The following PLGRKT variants were observed in gnomAD, a reference collection of about 807,000 sequenced individuals.
PLGRKT encodes plasminogen receptor (KT).
Under a neutral mutation model 18.5 loss-of-function variants are expected in PLGRKT, and 22 were observed. The ratio of observed to expected loss-of-function variants is 1.19; its 90% CI spans 0.85 to 1.70. PLGRKT has a LOEUF of 1.70. Among genes scored for constraint, PLGRKT ranks in the 40% most tolerant of loss-of-function variants. PLGRKT has a pLI of 0.00. For missense variants in PLGRKT, 235 were observed against 174.4 expected, an observed-to-expected ratio of 1.35 and a Z score of -1.96; for synonymous variants, 72 against 52.8, an observed-to-expected ratio of 1.36 and a Z score of -1.58.
chr9:5,364,107 A>G (rs567429251), intron 3 of PLGRKT, among the ~76,000 whole-genome samples: 2 of 152,316 alleles, frequency 1.3e-5, no homozygotes, highest in East Asian at 3.9e-4. Context: ...GCTGCACATC[A>G]TGAGCATCTG....
chr9:5,367,330 C>T (rs995148200), intron 3 of PLGRKT, among the ~76,000 whole-genome samples: 1 of 152,102 alleles, frequency 6.6e-6, no homozygotes, highest in African/African-American at 2.4e-5. Context: ...CATCACACTA[C>T]CTGACTTTAC....
intron 3 of PLGRKT, among the ~76,000 whole-genome samples, chr9:5,371,985 C>CATTTTTTTTTTTTT (rs1817527073): frequency 2.3e-5 from 1 of 44,218 alleles, no homozygotes; most frequent in African/African-American, 2.0e-4. Flanking sequence ...ATCAGAAAAT[C>CATTTTTTTTTTTTT]CTTTTTTTTT....
chr9:5,372,393 G>T (rs1586705623), intron 3 of PLGRKT, among the ~76,000 whole-genome samples: 1 of 152,106 alleles, frequency 6.6e-6, no homozygotes, highest in African/African-American at 2.4e-5. Flanking sequence ...ACCCTATGAG[G>T]TTAGTCTATG....
At position 5,381,850 on chromosome 9, in the gene PLGRKT, TTAAC is replaced by T. The variant is rs1408098302; in HGVS notation, c.82-19966_82-19963del. On this transcript the variant is annotated intron_variant, in intron 3 of 5. Coordinates refer to ENST00000223864, the MANE Select transcript of PLGRKT (RefSeq NM_018465.4). ...ATAAAGCAAAAACAACAGACTAAAT[TTAAC>T]TAACATACCTTCCTCACAGATCCTT... 3.0e-5 allele frequency: 29 copies of T among 980,390 alleles called. No homozygotes were observed. The African/African-American group carries it at 4.9e-4, about 17-fold the overall frequency. The allele number at this position is 980,390 out of a possible 1,614,324, so 60.7% of individuals were successfully genotyped here.
At chr9:5,393,090 C>A (rs1817980084) in intron 3 of PLGRKT, among the ~76,000 whole-genome samples, 1 of 151,840 alleles carries the variant, frequency 6.6e-6, no homozygotes, top group Non-Finnish European at 1.5e-5. Context: ...GATCCACCCG[C>A]CTCAGCCTCC....
intron 3 of PLGRKT, among the ~76,000 whole-genome samples, chr9:5,365,767 T>C (rs1192874602): frequency 6.6e-6 from 1 of 152,192 alleles, no homozygotes; most frequent in African/African-American, 2.4e-5. Context: ...ACAAAGAATG[T>C]AGGGTATTCA....
At position 5,358,343 on chromosome 9, in the gene PLGRKT, G is replaced by GTA; in HGVS notation, c.338_339dup (p.Leu114TyrfsTer15). ...TGCAATTTACTCTTTTCTGTTTCCA[G>GTA]TATGTCCTCAGCTTCACCTTAAATA... On this transcript the variant is annotated frameshift_variant, in exon 6 of 6. Transcript: ENST00000223864. LOFTEE classifies it high-confidence loss of function. 1 of 1,612,548 alleles carries GTA rather than the reference G, an allele frequency of 6.2e-7. No homozygotes were observed. Among genetic ancestry groups the GTA allele is most frequent in the Non-Finnish European group, 8.5e-7 (1 of 1,179,008 alleles).
At position 5,401,402 on chromosome 9, in the gene PLGRKT, G is replaced by C. The variant is rs1818151531; in HGVS notation, c.81+30495C>G. 1.3e-5 allele frequency among the ~76,000 whole-genome samples: 2 copies of C among 151,862 alleles called. 1 individual carries two copies. Among genetic ancestry groups the C allele is most frequent in the African/African-American group, 4.9e-5 (2 of 41,186 alleles). On this transcript the variant is annotated intron_variant, in intron 3 of 5. Transcript: ENST00000223864. The stretch of plus-strand genomic sequence containing the variant: ...TTGTTTTGCATGGCATTTAGAATGA[G>C]GTAAATATACAATAGAACAAACAAG...
intron 3 of PLGRKT, among the ~76,000 whole-genome samples, chr9:5,398,359 T>C (rs1818092547): frequency 6.6e-6 from 1 of 151,864 alleles, no homozygotes; most frequent in Non-Finnish European, 1.5e-5. Context: ...TACTTAATAG[T>C]TACTGAACTA....
Position 5,358,211 on chromosome 9 carries a change from C to T in PLGRKT, c.*28G>A. On this transcript the variant is annotated 3_prime_UTR_variant, in exon 6 of 6. Transcript: ENST00000223864. ...CATGATTCAAGTCAATAATTCTGTG[C>T]TTTGAGATTTGATTGGTAAGCATGA... 1 of 1,576,096 alleles carries T rather than the reference C, an allele frequency of 6.3e-7. No individual in the cohort carries two copies. The highest frequency in any genetic ancestry group is 8.7e-7 in the Non-Finnish European group (1 of 1,150,276).
At chr9:5,362,259 T>A (rs1285029425) in intron 3 of PLGRKT, among the ~76,000 whole-genome samples, 1 of 152,236 alleles carries the variant, frequency 6.6e-6, no homozygotes, top group Non-Finnish European at 1.5e-5. Context: ...TATTTCTACT[T>A]GCATGGAAAT....
chr9:5,361,725 A>C, intron 4 of PLGRKT, 33 bp downstream of exon 4: 1 of 1,582,348 alleles, frequency 6.3e-7, no homozygotes, highest in South Asian at 1.2e-5. Context: ...AAAGAAGTAA[A>C]TGACTGAAGA....
intron 3 of PLGRKT, among the ~76,000 whole-genome samples, chr9:5,423,464 C>A (rs1818615812): frequency 6.6e-6 from 1 of 152,108 alleles, no homozygotes; most frequent in Admixed American, 6.5e-5. Context: ...TACATTCTTC[C>A]TTCATTTTAT....
intron 3 of PLGRKT, among the ~76,000 whole-genome samples, chr9:5,424,416 A>G (rs866573043): frequency 1.6e-5 from 2 of 127,412 alleles, no homozygotes; most frequent in South Asian, 2.2e-4. Context: ...ATATATTAAC[A>G]TATAATATAT....
Position 5,358,153 on chromosome 9 carries a change from C to A in PLGRKT, c.*86G>T. 1.1e-6 allele frequency: 1 copy of A among 918,286 alleles called. No homozygotes were observed. The highest frequency in any genetic ancestry group is 1.9e-5 in the South Asian group (1 of 52,740). The allele number at this position is 918,286 out of a possible 1,614,324, so 56.9% of individuals were successfully genotyped here. ...TATTTTAAAATAAAATCTATAATAT[C>A]AAAATCTTGAGCATTTAAAAAACTG... On this transcript the variant is annotated 3_prime_UTR_variant, in exon 6 of 6. Coordinates refer to ENST00000223864, the MANE Select transcript of PLGRKT (RefSeq NM_018465.4).
chr9:5,370,301 AT>A (rs1160241651), intron 3 of PLGRKT, among the ~76,000 whole-genome samples: 5 of 152,176 alleles, frequency 3.3e-5, no homozygotes, highest in African/African-American at 1.2e-4. Context: ...CAAAGAGGCA[AT>A]TATGTAAAGG....
At position 5,418,667 on chromosome 9, in the gene PLGRKT, G is replaced by T. The variant is rs1818512053; in HGVS notation, c.81+13230C>A. 10 of 675,490 alleles carry T rather than the reference G, an allele frequency of 1.5e-5. No individual in the cohort carries two copies. The highest frequency in any genetic ancestry group is 2.8e-5 in the Non-Finnish European group (10 of 361,672). 41.8% of individuals were successfully genotyped at this position (675,490 alleles called of 1,614,324 possible). ...AGCAGCGCGTGCTCCTTGGAGATGG[G>T]CAGGGGCAGCATGTAGCACCCACTG... is the stretch of plus-strand genomic sequence containing the variant. On this transcript the variant is annotated intron_variant, in intron 3 of 5. Transcript: ENST00000223864. The surrounding 1 kb of genome is among the most constrained non-coding windows in gnomAD (Gnocchi z 4.2).
Position 5,388,941 on chromosome 9 carries a change from G to A in PLGRKT, c.82-27053C>T, listed in dbSNP as rs566393679. Among the ~76,000 whole-genome samples the A allele has an allele frequency of 2.8e-4, 43 of 152,108 alleles. 2 individuals are homozygous for A. Among genetic ancestry groups the A allele is most frequent in the East Asian group, 1.9e-3 (10 of 5,190 alleles). ...ATGATATTGTCATGATATTGACAAC[G>A]TCCTCCAGCTGAAGGTACCAGGAAA... On this transcript the variant is annotated intron_variant, in intron 3 of 5. Transcript: ENST00000223864.
intron 3 of PLGRKT, among the ~76,000 whole-genome samples, chr9:5,428,808 C>A (rs1818756904): frequency 6.6e-6 from 1 of 152,194 alleles, no homozygotes; most frequent in African/African-American, 2.4e-5. Context: ...AAGCAATCCT[C>A]CCACCTCAGC....
Sources: allele counts gnomAD v4.1 joint callset (sites outside exome capture counted in the v4.1 genomes callset), GRCh38; gene constraint gnomAD v4.1.1; non-coding constraint Gnocchi (gnomAD v3.1); transcripts MANE v1.5; gene names NCBI Gene and HGNC (gene_info 2026-07-23, HGNC 2026-07-21).